PLXNA4: variants seen among roughly 807,000 people sequenced by gnomAD.
The protein encoded by PLXNA4 is plexin-A4.
A neutral mutation model predicts 191.8 loss-of-function variants in PLXNA4; 44 were observed. The observed-to-expected ratio is 0.23, with a 90% CI of 0.18 to 0.29. The LOEUF is 0.29. PLXNA4 is among the 10% of genes least tolerant of loss of function. PLXNA4 has a pLI of 1.00. For missense variants in PLXNA4, 1,800 were observed against 2,488.8 expected (o/e 0.72, Z 5.89); for synonymous variants, 1,082 against 1,009.5 (o/e 1.07, Z -1.36).
chr7:132,216,504 G>T (rs748744657), intron 9 of PLXNA4, among the ~76,000 whole-genome samples: 10 of 152,148 alleles, frequency 6.6e-5, no homozygotes, highest in African/African-American at 9.7e-5. Context: ...TTGCAACCTG[G>T]TATGGTTGTC....
chr7:132,402,579 G>T (rs1478037546), intron 3 of PLXNA4, among the ~76,000 whole-genome samples: 1 of 152,148 alleles, frequency 6.6e-6, no homozygotes, highest in Non-Finnish European at 1.5e-5. Flanking sequence ...TCATCTTATT[G>T]CAGGAAATAC....
At chr7:132,337,350 T>A (rs998089914) in intron 3 of PLXNA4, among the ~76,000 whole-genome samples, 1 of 152,262 alleles carries the variant, frequency 6.6e-6, no homozygotes, top group Non-Finnish European at 1.5e-5. Flanking sequence ...CCCCTGGCTG[T>A]GGAAGCACAT....
intron 20 of PLXNA4, among the ~76,000 whole-genome samples, chr7:132,177,787 A>G (rs1175857419): frequency 6.6e-6 from 1 of 152,230 alleles, no homozygotes; most frequent in Non-Finnish European, 1.5e-5. Flanking sequence ...AAAATTAAGC[A>G]GCGTAAATAT....
intron 5 of PLXNA4, among the ~76,000 whole-genome samples, chr7:132,231,161 A>G (rs952875694): frequency 6.6e-6 from 1 of 152,246 alleles, no homozygotes; most frequent in Admixed American, 6.5e-5. Flanking sequence ...TGGGCAAATT[A>G]CTTAACTTCT....
At chr7:132,260,531 G>A (rs1002918638) in intron 4 of PLXNA4, among the ~76,000 whole-genome samples, 4 of 152,144 alleles carry the variant, frequency 2.6e-5, no homozygotes, top group Admixed American at 2.0e-4. Flanking sequence ...GAGGATGAAA[G>A]GGGGCTGAGG....
chr7:132,475,857 A>G (rs73442795), intron 3 of PLXNA4, among the ~76,000 whole-genome samples: 6,298 of 152,290 alleles, frequency 0.041, 204 homozygotes, highest in African/African-American at 0.082. Flanking sequence ...TGGTCAGGGC[A>G]TTTGACAGCT....
At chr7:132,514,427 T>A (rs2116313783) in intron 1 of PLXNA4, among the ~76,000 whole-genome samples, 1 of 152,244 alleles carries the variant, frequency 6.6e-6, no homozygotes, top group African/African-American at 2.4e-5. Flanking sequence ...TGTAACTGGG[T>A]CCCTGGGATG....
At chr7:132,263,371 G>A (rs569769800) in intron 4 of PLXNA4, among the ~76,000 whole-genome samples, 25 of 152,342 alleles carry the variant, frequency 1.6e-4, no homozygotes, top group African/African-American at 6.0e-4. Flanking sequence ...GACCCTGCAA[G>A]CCAGCAGCCC....
chr7:132,441,818 G>C, intron 3 of PLXNA4, among the ~76,000 whole-genome samples: 1 of 152,222 alleles, frequency 6.6e-6, no homozygotes, highest in East Asian at 1.9e-4. Flanking sequence ...TTTGCCCAAG[G>C]CCAGCAAAGA....
intron 3 of PLXNA4, among the ~76,000 whole-genome samples, chr7:132,321,140 G>A (rs373432297): frequency 1.3e-4 from 20 of 152,012 alleles, no homozygotes; most frequent in African/African-American, 3.1e-4. Flanking sequence ...CTGGCTCTCC[G>A]TCCGCCACCC....
intron 14 of PLXNA4, among the ~76,000 whole-genome samples, chr7:132,192,018 C>A (rs573014973): frequency 6.6e-6 from 1 of 152,226 alleles, no homozygotes; most frequent in South Asian, 2.1e-4. Flanking sequence ...ATTATATGTG[C>A]GTATTCTTCT....
At chr7:132,356,791 C>T (rs982473816) in intron 3 of PLXNA4, among the ~76,000 whole-genome samples, 3 of 152,208 alleles carry the variant, frequency 2.0e-5, no homozygotes, top group Admixed American at 1.3e-4. Context: ...AAATTCTAAT[C>T]AAAACAGAAG....
At chr7:132,132,445 C>CTGTTCTGTTCTGT in intron 31 of PLXNA4, among the ~76,000 whole-genome samples, 1 of 51,674 alleles carries the variant, frequency 1.9e-5, no homozygotes, top group South Asian at 1.0e-3. Flanking sequence ...CTGTTCTGTT[C>CTGTTCTGTTCTGT]TGTTCTGTTC....
intron 2 of PLXNA4, among the ~76,000 whole-genome samples, chr7:132,489,934 G>C (rs1271861922): frequency 6.6e-6 from 1 of 152,206 alleles, no homozygotes; most frequent in Admixed American, 6.5e-5. Context: ...TATCTATACA[G>C]AAGAGGGATG....
intron 3 of PLXNA4, among the ~76,000 whole-genome samples, chr7:132,475,352 A>G (rs950754411): frequency 2.6e-5 from 4 of 152,200 alleles, no homozygotes; most frequent in African/African-American, 9.7e-5. Context: ...TTATGTGCCC[A>G]TACTCACATG....
intron 3 of PLXNA4, among the ~76,000 whole-genome samples, chr7:132,379,521 T>C (rs992168593): frequency 6.6e-6 from 1 of 152,234 alleles, no homozygotes; most frequent in Non-Finnish European, 1.5e-5. Context: ...CATTCCTCCA[T>C]GGAAGCCTTT....
chr7:132,361,724 C>T (rs1324803494), intron 3 of PLXNA4, among the ~76,000 whole-genome samples: 2 of 152,020 alleles, frequency 1.3e-5, no homozygotes, highest in African/African-American at 2.4e-5. Flanking sequence ...AGCCAGGGGA[C>T]TAAATCAAAG....
chr7:132,598,746 C>T (rs1802763276), intron 2 of PLXNA4, among the ~76,000 whole-genome samples: 1 of 151,226 alleles, frequency 6.6e-6, no homozygotes, highest in Non-Finnish European at 1.5e-5. Context: ...ATTCACTGTC[C>T]ATGGTATCCT....
intron 1 of PLXNA4, among the ~76,000 whole-genome samples, chr7:132,524,197 T>C (rs1799308090): frequency 6.6e-6 from 1 of 152,172 alleles, no homozygotes. Context: ...GCAGAGATTG[T>C]ACCAAGGGTC....
Sources: gnomAD v4.1 joint callset for allele counts (sites outside exome capture counted in the v4.1 genomes callset) on GRCh38, gnomAD v4.1.1 for gene constraint, MANE v1.5 for transcripts, NCBI Gene and HGNC (gene_info 2026-07-23, HGNC 2026-07-21) for gene names.